The following PTPRT variants were observed in gnomAD, a reference collection of about 807,000 sequenced individuals.
PTPRT encodes receptor-type tyrosine-protein phosphatase T.
PTPRT carries 56 observed loss-of-function variants against 176.8 expected under a neutral mutation model. The observed-to-expected ratio is 0.32, with a 90% CI of 0.26 to 0.40. PTPRT has a LOEUF of 0.40. Ranked by LOEUF, PTPRT falls within the 10% of genes least tolerant of loss-of-function variation. PTPRT has a pLI of 1.00. For missense variants in PTPRT, 1,540 were observed against 1,908.2 expected (o/e 0.81, Z 3.60); for synonymous variants, 783 against 739.0 (o/e 1.06, Z -0.96).
At chr20:42,876,539 C>T (rs973820523) in intron 2 of PTPRT, among the ~76,000 whole-genome samples, 3 of 152,086 alleles carry the variant, frequency 2.0e-5, no homozygotes, top group Non-Finnish European at 2.9e-5. Context: ...GAACCCAGAC[C>T]AATCAGGACC....
intron 6 of PTPRT, among the ~76,000 whole-genome samples, chr20:42,724,790 T>C (rs1239364264): frequency 6.6e-6 from 1 of 152,024 alleles, no homozygotes; most frequent in Non-Finnish European, 1.5e-5. Flanking sequence ...CATCTTCCAA[T>C]CTCTTCTTCT....
chr20:43,036,827 T>G (rs1414657867), intron 1 of PTPRT, among the ~76,000 whole-genome samples: 2 of 152,180 alleles, frequency 1.3e-5, no homozygotes, highest in Non-Finnish European at 2.9e-5. Flanking sequence ...ACCTGACTTT[T>G]CCTATTAAGT....
intron 7 of PTPRT, among the ~76,000 whole-genome samples, chr20:42,492,080 A>C (rs1467548865): frequency 1.3e-5 from 2 of 152,120 alleles, no homozygotes; most frequent in Admixed American, 6.6e-5. Flanking sequence ...TTGTTTAACT[A>C]TTCACTCATT....
Position 42,906,454 on chromosome 20 carries a change from T to C in PTPRT, c.89-20522A>G, listed in dbSNP as rs183915295. ...TGCACTTTTTCTCCAAGCCCACATG[T>C]GATCCGATTCTTCCAGTATATCAAG... is the stretch of plus-strand genomic sequence containing the variant. On this transcript the variant is annotated intron_variant, in intron 1 of 30. Coordinates refer to ENST00000373187, the MANE Select transcript of PTPRT (RefSeq NM_007050.6). Among the ~76,000 whole-genome samples, 692 of 152,306 alleles carry C rather than the reference T, an allele frequency of 4.5e-3. 7 individuals carry two copies. Among genetic ancestry groups the C allele is most frequent in the African/African-American group, 0.016 (672 of 41,562 alleles).
chr20:42,287,312 G>A (rs1362385880), intron 12 of PTPRT, among the ~76,000 whole-genome samples: 1 of 151,898 alleles, frequency 6.6e-6, no homozygotes, highest in Non-Finnish European at 1.5e-5. Flanking sequence ...ATTCACAATA[G>A]CCATGACAGG....
intron 12 of PTPRT, among the ~76,000 whole-genome samples, chr20:42,311,080 T>G (rs1277801364): frequency 6.6e-6 from 1 of 152,190 alleles, no homozygotes; most frequent in Non-Finnish European, 1.5e-5. Flanking sequence ...ACTTCCACAT[T>G]CCTAATGTGA....
intron 1 of PTPRT, among the ~76,000 whole-genome samples, chr20:42,969,911 G>A (rs1287094067): frequency 6.6e-6 from 1 of 152,074 alleles, no homozygotes; most frequent in African/African-American, 2.4e-5. Flanking sequence ...TGGCCCCAAG[G>A]ACTGCAGACA....
intron 6 of PTPRT, among the ~76,000 whole-genome samples, chr20:42,703,439 G>C (rs1394280306): frequency 6.6e-6 from 1 of 152,188 alleles, no homozygotes; most frequent in African/African-American, 2.4e-5. Flanking sequence ...AGTAAAGAAA[G>C]AGCATTGTTA....
intron 1 of PTPRT, among the ~76,000 whole-genome samples, chr20:43,132,018 A>G (rs918151147): frequency 3.9e-5 from 6 of 152,124 alleles, no homozygotes; most frequent in Admixed American, 3.9e-4. Context: ...TTACACACAC[A>G]CACACACACA....
At chr20:43,122,590 G>A (rs995652520) in intron 1 of PTPRT, among the ~76,000 whole-genome samples, 3 of 152,218 alleles carry the variant, frequency 2.0e-5, no homozygotes, top group African/African-American at 7.2e-5. Flanking sequence ...GTTAACGAGT[G>A]AGTGCTCGCT....
chr20:43,091,951 C>T (rs1226560834), intron 1 of PTPRT, among the ~76,000 whole-genome samples: 1 of 152,138 alleles, frequency 6.6e-6, no homozygotes, highest in Non-Finnish European at 1.5e-5. Flanking sequence ...CATAACATGC[C>T]CTGAGTCTAG....
chr20:42,731,288 C>T (rs1199434337), intron 6 of PTPRT, among the ~76,000 whole-genome samples: 1 of 152,214 alleles, frequency 6.6e-6, no homozygotes, highest in Non-Finnish European at 1.5e-5. Context: ...GGGGCTGTCA[C>T]TTCATCCAAT....
chr20:42,236,151 C>T (rs571401937), intron 15 of PTPRT, 78 bp downstream of exon 15: 15 of 1,270,424 alleles, frequency 1.2e-5, no homozygotes, highest in Non-Finnish European at 1.7e-5. Flanking sequence ...CTAACAGACA[C>T]TTGGTTGGTG....
At chr20:42,849,029 T>C (rs2078426303) in intron 2 of PTPRT, among the ~76,000 whole-genome samples, 1 of 152,260 alleles carries the variant, frequency 6.6e-6, no homozygotes, top group Non-Finnish European at 1.5e-5. Flanking sequence ...TTCTCCTACA[T>C]GTGGCTTGCC....
chr20:42,920,507 A>G (rs1179074582), intron 1 of PTPRT, among the ~76,000 whole-genome samples: 1 of 152,156 alleles, frequency 6.6e-6, no homozygotes, highest in Non-Finnish European at 1.5e-5. Flanking sequence ...ATTGTGTACA[A>G]TGACCAAAAT....
intron 15 of PTPRT, among the ~76,000 whole-genome samples, chr20:42,216,210 C>T (rs1206602417): frequency 6.6e-6 from 1 of 152,118 alleles, no homozygotes; most frequent in Non-Finnish European, 1.5e-5. Context: ...CTCACCCTGA[C>T]CCCATCTTAG....
intron 7 of PTPRT, among the ~76,000 whole-genome samples, chr20:42,558,155 G>T (rs1207529246): frequency 6.6e-6 from 1 of 152,060 alleles, no homozygotes; most frequent in Non-Finnish European, 1.5e-5. Flanking sequence ...TCCACCCTCT[G>T]AAAGGCCCCA....
chr20:42,771,357 A>G (rs2077059609), intron 5 of PTPRT, 78 bp downstream of exon 5: 2 of 1,281,760 alleles, frequency 1.6e-6, no homozygotes, highest in Non-Finnish European at 2.3e-6. Context: ...TTGTGTTGCC[A>G]TAGAGCTGCT....
intron 9 of PTPRT, among the ~76,000 whole-genome samples, chr20:42,365,435 C>T (rs1455243931): frequency 3.3e-5 from 5 of 151,998 alleles, no homozygotes; most frequent in Admixed American, 1.3e-4. Flanking sequence ...GGGCTTTATG[C>T]GTATTATGCA....
Sources: gnomAD v4.1 joint callset for allele counts (sites outside exome capture counted in the v4.1 genomes callset) on GRCh38, gnomAD v4.1.1 for gene constraint, MANE v1.5 for transcripts, NCBI Gene and HGNC (gene_info 2026-07-23, HGNC 2026-07-21) for gene names.